GRAMD1B: variants seen among roughly 807,000 people sequenced by gnomAD.
GRAMD1B encodes GRAM domain containing 1B.
GRAMD1B carries 37 observed loss-of-function variants against 99.7 expected under a neutral mutation model. That is an observed-to-expected ratio of 0.37 (90% CI 0.29 to 0.49). The LOEUF is 0.49. GRAMD1B is among the 20% of genes least tolerant of loss of function. GRAMD1B has a pLI of 0.98. For missense variants in GRAMD1B, 888 were observed against 1,009.2 expected, an observed-to-expected ratio of 0.88 and a Z score of 1.63; for synonymous variants, 427 against 387.6, an observed-to-expected ratio of 1.10 and a Z score of -1.19.
chr11:123,537,381 G>T (rs1944072822), intron 2 of GRAMD1B, among the ~76,000 whole-genome samples: 1 of 152,072 alleles, frequency 6.6e-6, no homozygotes, highest in Non-Finnish European at 1.5e-5. Flanking sequence ...CTTATTGAAA[G>T]GTCATAGTTT....
intron 4 of GRAMD1B, among the ~76,000 whole-genome samples, chr11:123,589,135 G>A (rs572306179): frequency 2.6e-5 from 4 of 151,432 alleles, no homozygotes; most frequent in African/African-American, 7.3e-5. Context: ...TTCTGCTTGC[G>A]GCATCATGTT....
Position 123,577,484 on chromosome 11 carries a change from T to G in GRAMD1B, c.570T>G (p.Asp190Glu). 6.2e-7 allele frequency: 1 copy of G among 1,604,212 alleles called. No individual in the cohort carries two copies. Among genetic ancestry groups the G allele is most frequent in the Non-Finnish European group, 8.5e-7 (1 of 1,175,650 alleles). ...ACACCATGGTGGAGAAGGGCTCAGA[T>G]CACTCCTCGGACAAGTCCCCGTCCA... ...DGDTMVEKGS[D>E]HSSDKSPSTP... is the part of the protein sequence containing the mutation. Residue 190 changes from aspartate to glutamate, a missense_variant, in exon 3 of 20, where the codon GAT becomes GAG. This residue lies in a region of GRAMD1B where 233 missense variants were observed against 154.6 expected (regional missense o/e 1.51). Coordinates refer to ENST00000635736, the MANE Select transcript of GRAMD1B (RefSeq NM_001387025.1).
At chr11:123,584,358 T>A in intron 4 of GRAMD1B, 26 bp downstream of exon 4, 1 of 283,766 alleles carries the variant, frequency 3.5e-6, no homozygotes, top group Admixed American at 8.5e-5. Flanking sequence ...TCCCTTCTTG[T>A]TGGGTACCTG....
At chr11:123,522,799 C>A (rs1211963454) in intron 2 of GRAMD1B, among the ~76,000 whole-genome samples, 1 of 152,212 alleles carries the variant, frequency 6.6e-6, no homozygotes, top group Non-Finnish European at 1.5e-5. Context: ...ACACTCAAGC[C>A]AGCCAACTCA....
intron 17 of GRAMD1B, among the ~76,000 whole-genome samples, chr11:123,617,182 T>TTTG (rs938469400): frequency 6.7e-6 from 1 of 149,942 alleles, no homozygotes; most frequent in African/African-American, 2.5e-5. Context: ...TTTTTTTTTT[T>TTTG]TTTGTTTGTT....
At chr11:123,488,721 C>T in intron 2 of GRAMD1B, among the ~76,000 whole-genome samples, 1 of 150,152 alleles carries the variant, frequency 6.7e-6, no homozygotes, top group East Asian at 1.9e-4. Flanking sequence ...CTTTGGCCCT[C>T]CTCCTCCACT....
At chr11:123,480,636 G>A in intron 1 of GRAMD1B, 180 bp from the exon 2 acceptor site, 1 of 382,692 alleles carries the variant, frequency 2.6e-6, no homozygotes, top group Non-Finnish European at 4.6e-6. Context: ...GATTTTATCA[G>A]CCTTGTGTCA....
At chr11:123,465,982 A>C (rs1950638536) in intron 1 of GRAMD1B, among the ~76,000 whole-genome samples, 1 of 152,020 alleles carries the variant, frequency 6.6e-6, no homozygotes. Flanking sequence ...GATTGTTGAA[A>C]ATAAAGATTT....
chr11:123,603,686 G>A, intron 9 of GRAMD1B, 145 bp downstream of exon 9: 1 of 649,756 alleles, frequency 1.5e-6, no homozygotes, highest in Non-Finnish European at 2.8e-6. Flanking sequence ...CACAGGTGAG[G>A]TCAGGGAGCT....
chr11:123,401,907 TA>T (rs995907406), intron 1 of GRAMD1B, among the ~76,000 whole-genome samples: 1 of 151,504 alleles, frequency 6.6e-6, no homozygotes, highest in Admixed American at 6.6e-5. Context: ...GACCCTGTCT[TA>T]AAAAAAAGAA....
intron 2 of GRAMD1B, among the ~76,000 whole-genome samples, chr11:123,543,789 G>A (rs2135738818): frequency 6.6e-6 from 1 of 152,336 alleles, no homozygotes; most frequent in African/African-American, 2.4e-5. Context: ...TCAGGGGTCA[G>A]CAAACTTCAG....
chr11:123,604,811 C>T (rs1592237790), intron 9 of GRAMD1B, among the ~76,000 whole-genome samples: 1 of 152,130 alleles, frequency 6.6e-6, no homozygotes, highest in Non-Finnish European at 1.5e-5. Context: ...TCGACGAGCA[C>T]CCACCTTCAT....
intron 1 of GRAMD1B, among the ~76,000 whole-genome samples, chr11:123,437,007 G>C (rs1295179206): frequency 1.3e-5 from 2 of 152,098 alleles, no homozygotes; most frequent in Non-Finnish European, 2.9e-5. Context: ...TGCGGTGTTT[G>C]GTTTTTTGTC....
At position 123,474,325 on chromosome 11, in the gene GRAMD1B, A is replaced by G. The variant is rs764008691; in HGVS notation, c.375-6491A>G. On this transcript the variant is annotated intron_variant, in intron 1 of 19. Coordinates refer to ENST00000635736, the MANE Select transcript of GRAMD1B (RefSeq NM_001387025.1). ...ACTGCAGTCTTTTAAGGCATGCATT[A>G]TTACCCACATCTGACTGTTAGAAAA... is the stretch of plus-strand genomic sequence containing the variant. Among the ~76,000 whole-genome samples the G allele has an allele frequency of 4.6e-5, 7 of 152,158 alleles. No homozygotes were observed. The South Asian group carries it at 1.0e-3, about 23-fold the overall frequency.
intron 7 of GRAMD1B, chr11:123,598,358 A>G: frequency 2.7e-6 from 3 of 1,106,224 alleles, no homozygotes; most frequent in Non-Finnish European, 4.2e-6. Context: ...TCTAACTCTC[A>G]CTGATTTGCT....
At chr11:123,474,634 A>G (rs1951173996) in intron 1 of GRAMD1B, among the ~76,000 whole-genome samples, 1 of 152,348 alleles carries the variant, frequency 6.6e-6, no homozygotes, top group Non-Finnish European at 1.5e-5. Context: ...AAAACAAAAA[A>G]CAAATAAAGG....
chr11:123,360,765 TTCTTTCCTTCC>T (rs1946113662), intron 1 of GRAMD1B, among the ~76,000 whole-genome samples: 1 of 148,724 alleles, frequency 6.7e-6, no homozygotes, highest in African/African-American at 2.5e-5. Flanking sequence ...CCTTCCTTCC[TTCTTTCCTTCC>T]TTCCTTCCTT....
intron 4 of GRAMD1B, among the ~76,000 whole-genome samples, chr11:123,590,890 G>A (rs763506227): frequency 5.9e-5 from 9 of 152,198 alleles, no homozygotes; most frequent in Non-Finnish European, 8.8e-5. Flanking sequence ...TCACTCTGCT[G>A]CGTCTAAGTG....
At chr11:123,374,051 A>T (rs748045028) in intron 1 of GRAMD1B, among the ~76,000 whole-genome samples, 1 of 152,104 alleles carries the variant, frequency 6.6e-6, no homozygotes, top group Non-Finnish European at 1.5e-5. Flanking sequence ...GAGATGCGGT[A>T]GGTGTTTCAA....
Sources: allele counts gnomAD v4.1 joint callset (sites outside exome capture counted in the v4.1 genomes callset), GRCh38; gene constraint gnomAD v4.1.1; regional missense constraint gnomAD v4.1.1; transcripts MANE v1.5; gene names NCBI Gene and HGNC (gene_info 2026-07-23, HGNC 2026-07-21).